The following LMF1 variants were observed in gnomAD, a reference collection of about 807,000 sequenced individuals.
LMF1 encodes transmembrane protein 112.
A neutral mutation model predicts 60.6 loss-of-function variants in LMF1; 68 were observed. The observed-to-expected ratio is 1.12, with a 90% confidence interval of 0.92 to 1.37. The LOEUF is 1.37. Ranked by LOEUF, LMF1 falls within the 40% of genes most tolerant of loss-of-function variation. LMF1 has a pLI of 0.00. For missense variants in LMF1, 948 were observed against 767.2 expected, an observed-to-expected ratio of 1.24 and a Z score of -2.78; for synonymous variants, 418 against 324.7, an observed-to-expected ratio of 1.29 and a Z score of -3.09.
At chr16:904,145 C>T (rs4984963) in intron 4 of LMF1, 12 of 82,292 alleles carry the variant, frequency 1.5e-4, no homozygotes, top group South Asian at 1.4e-3. Context: ...GTCTCTGCTG[C>T]GTGGTGGTGA....
rs771495586 is a variant in LMF1, at chr16:954,671, A to G, written c.194-5T>C. 6.3e-7 allele frequency: 1 copy of G among 1,579,694 alleles called. No individual in the cohort carries two copies. The highest frequency in any genetic ancestry group is 1.4e-5 in the African/African-American group (1 of 73,980). ...AAGCCACCAGGAATGCCACGACTGG[A>G]AGAAAAAGAAGACAAAACAAGCATG... On this transcript the variant is annotated splice_polypyrimidine_tract_variant and splice_region_variant and intron_variant, in intron 1 of 10. Coordinates refer to ENST00000262301, the MANE Select transcript of LMF1 (RefSeq NM_022773.4).
rs1299837317 is a variant in LMF1, at chr16:870,916, C to T, written c.1079-34G>A. 1.3e-5 allele frequency: 20 copies of T among 1,568,880 alleles called. No individual in the cohort carries two copies. In the Admixed American group the frequency reaches 2.6e-4, roughly 20 times the overall value. Reference sequence around the variant, plus strand: ...GGAGTGACATCTTCCAGGTGGGGCTCCCAGCTGCCCCGTGGCCTGTCCCTG... The same window carrying T: ...GGAGTGACATCTTCCAGGTGGGGCTTCCAGCTGCCCCGTGGCCTGTCCCTG... On this transcript the variant is annotated intron_variant, in intron 7 of 10. Coordinates refer to ENST00000262301, the MANE Select transcript of LMF1 (RefSeq NM_022773.4).
At position 897,770 on chromosome 16, in the gene LMF1, G is replaced by A. The variant is rs1335324954; in HGVS notation, c.664-4698C>T. ...AGACCCTCTAGTCTCCATATCTGAG[G>A]GTGGCCCAGCTGCAGCAGGGGTGGT... is the stretch of plus-strand genomic sequence containing the variant. On this transcript the variant is annotated intron_variant, in intron 4 of 10. Transcript: ENST00000262301. This position sits in a 1 kb window ranked among gnomAD's most constrained non-coding sequence, Gnocchi z 4.3. 6.6e-6 allele frequency among the ~76,000 whole-genome samples: 1 copy of A among 152,204 alleles called. No individual in the cohort carries two copies. Among genetic ancestry groups the A allele is most frequent in the Non-Finnish European group, 1.5e-5 (1 of 68,024 alleles).
At chr16:942,199 C>T (rs996757580) in intron 2 of LMF1, among the ~76,000 whole-genome samples, 2 of 152,206 alleles carry the variant, frequency 1.3e-5, no homozygotes, top group Admixed American at 6.5e-5. Flanking sequence ...GGTTGACAAT[C>T]GTTTTTCTTT....
chr16:917,308 G>C (rs1386858285), intron 3 of LMF1, among the ~76,000 whole-genome samples: 1 of 102,956 alleles, frequency 9.7e-6, no homozygotes, highest in Non-Finnish European at 1.9e-5. Flanking sequence ...GGCGGGCACA[G>C]GCCCACGTGA....
chr16:954,236 C>G (rs766612101), intron 2 of LMF1, 121 bp downstream of exon 2: 1 of 1,060,296 alleles, frequency 9.4e-7, no homozygotes, highest in Admixed American at 2.0e-5. Context: ...AATGACAATA[C>G]CCTCCTGAAG....
chr16:918,765 T>G (rs2071346689), intron 3 of LMF1, among the ~76,000 whole-genome samples: 1 of 79,916 alleles, frequency 1.3e-5, no homozygotes, highest in South Asian at 4.1e-4. Flanking sequence ...TTGGTTCACT[T>G]GGATGTGAAT....
rs556611931 is a variant in LMF1, at chr16:922,528, G to A, written c.515-11449C>T. Among the ~76,000 whole-genome samples the A allele has an allele frequency of 1.6e-4, 24 of 152,166 alleles. 1 individual carries two copies. Among genetic ancestry groups the A allele is most frequent in the African/African-American group, 3.4e-4 (14 of 41,526 alleles). ...ACATGGACGTGAAGAAAGTCGCCTC[G>A]GTTTTTGGGTGTGATGTGGTGTTGG... On this transcript the variant is annotated intron_variant, in intron 3 of 10. Transcript: ENST00000262301.
intron 2 of LMF1, among the ~76,000 whole-genome samples, chr16:952,961 A>T (rs2072525135): frequency 1.2e-5 from 1 of 86,356 alleles, no homozygotes; most frequent in Non-Finnish European, 2.1e-5. Flanking sequence ...GCACGTCCAC[A>T]CAGACACCCC....
At chr16:882,022 C>T (rs925082968) in intron 5 of LMF1, among the ~76,000 whole-genome samples, 26 of 152,176 alleles carry the variant, frequency 1.7e-4, no homozygotes, top group Non-Finnish European at 3.5e-4. Context: ...CCGTGGGAAG[C>T]GGCCCTTGGA....
chr16:911,533 T>TG (rs1399767730), intron 3 of LMF1, among the ~76,000 whole-genome samples: 7 of 94,650 alleles, frequency 7.4e-5, no homozygotes, highest in South Asian at 3.8e-4. Flanking sequence ...GAGGCAGCAC[T>TG]GGGGGGGCAG....
chr16:871,175 G>A lies in LMF1; in HGVS notation c.1064C>T (p.Pro355Leu). 1 of 1,601,180 alleles carries A rather than the reference G, an allele frequency of 6.2e-7. No homozygotes were observed. Among genetic ancestry groups the A allele is most frequent in the South Asian group, 1.1e-5 (1 of 89,188 alleles). ...QMQRDIRGAR[P>L]EPRFGSVVRR... ...GAGCCACCTACCGAATCTGGGCTCG[G>A]GCCGGGCCCCTCGGATGTCCCTCTG... is the stretch of plus-strand genomic sequence containing the variant. Residue 355 changes from proline to leucine, a missense_variant, in exon 7 of 11, where the codon CCC (proline) becomes CTC (leucine). Pro to Leu is a moderately conservative substitution (Grantham distance 98). Transcript: ENST00000262301.
intron 1 of LMF1, among the ~76,000 whole-genome samples, chr16:959,234 GAGATA>G (rs1394222854): frequency 6.6e-6 from 1 of 152,226 alleles, no homozygotes; most frequent in African/African-American, 2.4e-5. Context: ...AAAATAATCA[GAGATA>G]AGAATGCAGC....
chr16:877,342 T>G (rs1447364472), intron 6 of LMF1, among the ~76,000 whole-genome samples: 1 of 152,174 alleles, frequency 6.6e-6, no homozygotes, highest in African/African-American at 2.4e-5. Context: ...GAATGGAAAC[T>G]CTGCGTGTCC....
At position 879,721 on chromosome 16, in the gene LMF1, T is replaced by C. The variant is rs766214202; in HGVS notation, c.746A>G (p.Asn249Ser). The change falls in exon 6 of 11, where the codon AAT becomes AGT. Residue 249 changes from asparagine (N) to serine (S), a missense_variant. Physicochemically the swap from Asn to Ser is conservative, Grantham distance 46 (BLOSUM62 1). Transcript: ENST00000262301. ...GTGGTGCAGGTAGTACGCCACAGGA[T>C]TGGGCATCGGCTGGGTCTGCAGGGA... ...DFHYETQPMPNPVAYYLHHSP... is the reference protein window; with the variant it reads ...DFHYETQPMPSPVAYYLHHSP... 6.3e-6 allele frequency: 10 copies of C among 1,592,338 alleles called. No individual in the cohort carries two copies. Among genetic ancestry groups the C allele is most frequent in the Middle Eastern group, 1.7e-4 (1 of 6,050 alleles).
chr16:909,562 A>G (rs2071054969), intron 4 of LMF1, among the ~76,000 whole-genome samples: 1 of 152,200 alleles, frequency 6.6e-6, no homozygotes, highest in South Asian at 2.1e-4. Context: ...ACCATGCTAC[A>G]CGCTACAGCA....
chr16:980,010 G>C, intron 1 of LMF1: 1 of 334,590 alleles, frequency 3.0e-6, no homozygotes, highest in Non-Finnish European at 5.9e-6. Context: ...CCGGAGCCAA[G>C]CGAGATGGTG....
chr16:891,202 G>A (rs1043590803), intron 5 of LMF1, among the ~76,000 whole-genome samples: 4 of 152,178 alleles, frequency 2.6e-5, no homozygotes, highest in Non-Finnish European at 4.4e-5. Flanking sequence ...TGCAACCTGC[G>A]TCCTCGCCGG....
chr16:954,772 G>A, intron 1 of LMF1, 106 bp from the exon 2 acceptor site: 1 of 1,044,322 alleles, frequency 9.6e-7, no homozygotes, highest in South Asian at 1.6e-5. Flanking sequence ...AGGGGAGGCA[G>A]AGTCTGGCTG....
Sources: allele counts gnomAD v4.1 joint callset (sites outside exome capture counted in the v4.1 genomes callset), GRCh38; gene constraint gnomAD v4.1.1; non-coding constraint Gnocchi (gnomAD v3.1); transcripts MANE v1.5; gene names NCBI Gene and HGNC (gene_info 2026-07-23, HGNC 2026-07-21).